Variants in GALNTL6 observed in about 807,000 individuals in gnomAD.
The protein encoded by GALNTL6 is polypeptide N-acetylgalactosaminyltransferase like 6.
GALNTL6 carries 46 observed loss-of-function variants against 73.7 expected under a neutral mutation model. That is an observed-to-expected ratio of 0.62 (90% CI 0.49 to 0.80). GALNTL6 has a LOEUF of 0.80. Among genes scored for constraint, GALNTL6 ranks in the 30% least tolerant of loss-of-function variants. The pLI, the probability that GALNTL6 is intolerant of heterozygous loss-of-function variation, is 0.00. For synonymous variants in GALNTL6, 259 were observed against 263.7 expected, an observed-to-expected ratio of 0.98 and a Z score of 0.17; for missense variants, 604 against 755.0, an observed-to-expected ratio of 0.80 and a Z score of 2.34.
At chr4:172,200,573 G>T (rs1187984578) in intron 2 of GALNTL6, among the ~76,000 whole-genome samples, 1 of 152,178 alleles carries the variant, frequency 6.6e-6, no homozygotes, top group Non-Finnish European at 1.5e-5. Context: ...ACCGTGCACT[G>T]ATGCAGATGG....
At chr4:172,084,987 T>A (rs554799117) in intron 2 of GALNTL6, among the ~76,000 whole-genome samples, 2 of 152,218 alleles carry the variant, frequency 1.3e-5, no homozygotes, top group Non-Finnish European at 2.9e-5. Context: ...GAACTGAGTT[T>A]CTTAAAGATG....
chr4:172,882,143 C>G (rs1745487830), intron 7 of GALNTL6, among the ~76,000 whole-genome samples: 1 of 152,010 alleles, frequency 6.6e-6, no homozygotes, highest in Non-Finnish European at 1.5e-5. Context: ...GAGTGGAATA[C>G]TTGAAAATTA....
intron 2 of GALNTL6, among the ~76,000 whole-genome samples, chr4:172,227,853 T>C (rs1460904533): frequency 6.6e-6 from 1 of 152,242 alleles, no homozygotes; most frequent in Non-Finnish European, 1.5e-5. Context: ...AGAGTGTCCC[T>C]GGTATTCAGA....
At chr4:172,958,779 C>A (rs1370906525) in intron 10 of GALNTL6, among the ~76,000 whole-genome samples, 2 of 152,206 alleles carry the variant, frequency 1.3e-5, no homozygotes, top group South Asian at 2.1e-4. Context: ...TGATGGATGT[C>A]AGGGTCAGTC....
At chr4:172,111,854 C>A (rs981492440) in intron 2 of GALNTL6, among the ~76,000 whole-genome samples, 1 of 152,006 alleles carries the variant, frequency 6.6e-6, no homozygotes, top group Non-Finnish European at 1.5e-5. Flanking sequence ...ACAGACTCAA[C>A]TCTTACATTA....
chr4:171,861,398 T>A (rs1032370762), intron 2 of GALNTL6, among the ~76,000 whole-genome samples: 2 of 152,194 alleles, frequency 1.3e-5, no homozygotes, highest in African/African-American at 4.8e-5. Context: ...TAAAATAGTT[T>A]AATTGACATT....
At chr4:172,783,247 C>A (rs950798877) in intron 5 of GALNTL6, among the ~76,000 whole-genome samples, 2 of 150,646 alleles carry the variant, frequency 1.3e-5, no homozygotes, top group African/African-American at 2.4e-5. Context: ...AAGTAGTATA[C>A]TATGTTCATG....
At chr4:172,321,080 A>AT (rs993175055) in intron 4 of GALNTL6, among the ~76,000 whole-genome samples, 1 of 152,182 alleles carries the variant, frequency 6.6e-6, no homozygotes, top group Non-Finnish European at 1.5e-5. Flanking sequence ...TAATTGTTTG[A>AT]TTTTATTATT....
chr4:172,140,353 T>G (rs192046728), intron 2 of GALNTL6, among the ~76,000 whole-genome samples: 55 of 152,182 alleles, frequency 3.6e-4, no homozygotes, highest in Middle Eastern at 3.4e-3. Context: ...CATCCAGAAA[T>G]TTAGTATACT....
intron 9 of GALNTL6, among the ~76,000 whole-genome samples, chr4:172,940,356 A>G (rs961953433): frequency 5.9e-5 from 9 of 151,974 alleles, no homozygotes; most frequent in African/African-American, 2.2e-4. Flanking sequence ...TATAGAATAC[A>G]GAAAGTAATT....
At chr4:172,244,020 A>G (rs1027537741) in intron 3 of GALNTL6, among the ~76,000 whole-genome samples, 1 of 152,286 alleles carries the variant, frequency 6.6e-6, no homozygotes, top group South Asian at 2.1e-4. Flanking sequence ...ACAATGTCAC[A>G]TTATTTATTG....
intron 5 of GALNTL6, among the ~76,000 whole-genome samples, chr4:172,677,799 A>G (rs890344750): frequency 2.0e-5 from 3 of 152,030 alleles, no homozygotes; most frequent in Non-Finnish European, 4.4e-5. Flanking sequence ...AAAACAGAAG[A>G]AGGAGGAAAC....
chr4:172,893,883 A>G (rs1354371385), intron 8 of GALNTL6, among the ~76,000 whole-genome samples: 2 of 152,154 alleles, frequency 1.3e-5, no homozygotes, highest in African/African-American at 4.8e-5. Context: ...GATCTCATGT[A>G]TCTAGGATCC....
chr4:172,192,109 AGTGGT>A (rs1466323664), intron 2 of GALNTL6, among the ~76,000 whole-genome samples: 2 of 152,102 alleles, frequency 1.3e-5, no homozygotes, highest in Non-Finnish European at 2.9e-5. Context: ...CAAATTTGAA[AGTGGT>A]GTAATAATAT....
chr4:172,460,091 A>G (rs898937876), intron 5 of GALNTL6, among the ~76,000 whole-genome samples: 28 of 152,202 alleles, frequency 1.8e-4, no homozygotes, highest in African/African-American at 6.8e-4. Context: ...CTGATCTTTG[A>G]CAAACCTGAC....
At chr4:172,214,124 T>C (rs1736417855) in intron 2 of GALNTL6, among the ~76,000 whole-genome samples, 1 of 152,220 alleles carries the variant, frequency 6.6e-6, no homozygotes, top group Non-Finnish European at 1.5e-5. Context: ...TGCATGTTTA[T>C]TTCTGGCATC....
chr4:172,222,772 C>A (rs941871623), intron 2 of GALNTL6, among the ~76,000 whole-genome samples: 40 of 151,926 alleles, frequency 2.6e-4, no homozygotes, highest in African/African-American at 9.2e-4. Flanking sequence ...GATATAAATA[C>A]AAAGGATAAA....
chr4:171,970,762 T>C (rs1739545012), intron 2 of GALNTL6, among the ~76,000 whole-genome samples: 1 of 152,218 alleles, frequency 6.6e-6, no homozygotes, highest in Non-Finnish European at 1.5e-5. Context: ...AAGATTTTAA[T>C]TGCAAAAATA....
At chr4:172,524,903 G>C (rs1734902074) in intron 5 of GALNTL6, among the ~76,000 whole-genome samples, 1 of 151,968 alleles carries the variant, frequency 6.6e-6, no homozygotes, top group South Asian at 2.1e-4. Context: ...TGCTTTATAA[G>C]CTTTCTGGTT....
Sources: gnomAD v4.1 joint callset for allele counts (sites outside exome capture counted in the v4.1 genomes callset) on GRCh38, gnomAD v4.1.1 for gene constraint, MANE v1.5 for transcripts, NCBI Gene and HGNC (gene_info 2026-07-23, HGNC 2026-07-21) for gene names.